Variants in AGMO observed in about 807,000 individuals in gnomAD.
AGMO encodes the protein alkylglycerol monooxygenase.
A neutral mutation model predicts 60.2 loss-of-function variants in AGMO; 75 were observed. The ratio of observed to expected loss-of-function variants is 1.25; its 90% CI spans 1.03 to 1.51. AGMO has a LOEUF of 1.51. AGMO is among the 40% of genes most tolerant of loss of function. The pLI is 0.00. For missense variants in AGMO, 763 were observed against 525.5 expected (o/e 1.45, Z -4.42); for synonymous variants, 261 against 177.1 (o/e 1.47, Z -3.76).
At chr7:15,145,040 G>C in the AGMO span, among the ~76,000 whole-genome samples, 167 of 152,274 alleles carry the variant, frequency 1.1e-3, no homozygotes, top group African/African-American at 3.7e-3. Context: ...GTGTTAGCCA[G>C]GATGGGCTCG....
the AGMO span, among the ~76,000 whole-genome samples, chr7:15,160,602 C>G: frequency 1.4e-4 from 21 of 151,962 alleles, no homozygotes; most frequent in South Asian, 4.4e-3. Flanking sequence ...TTTAATATAT[C>G]TGAAAATTAA....
chr7:15,375,632 A>G (rs1783421174), intron 10 of AGMO, among the ~76,000 whole-genome samples: 1 of 152,022 alleles, frequency 6.6e-6, no homozygotes, highest in South Asian at 2.1e-4. Flanking sequence ...CCTGACCTCA[A>G]GTGATCCACC....
At chr7:15,130,194 T>C in the AGMO span, among the ~76,000 whole-genome samples, 1 of 152,120 alleles carries the variant, frequency 6.6e-6, no homozygotes, top group Non-Finnish European at 1.5e-5. Flanking sequence ...TTTAGAGTAA[T>C]GATTTTCAAA....
downstream of AGMO, among the ~76,000 whole-genome samples, chr7:15,198,236 A>AGAGAGAGAGG (rs1781178187): frequency 6.9e-5 from 8 of 115,772 alleles, no homozygotes; most frequent in Non-Finnish European, 1.4e-4. Context: ...AGAGAGAGAG[A>AGAGAGAGAGG]GAGAGAGAGA....
intron 12 of AGMO, among the ~76,000 whole-genome samples, chr7:15,322,205 T>A (rs933021388): frequency 1.3e-5 from 2 of 150,236 alleles, no homozygotes; most frequent in African/African-American, 4.9e-5. Flanking sequence ...ATAATTTACA[T>A]CCTTGTTAAA....
intron 3 of AGMO, among the ~76,000 whole-genome samples, chr7:15,460,631 T>C (rs886899369): frequency 6.6e-6 from 1 of 152,094 alleles, no homozygotes; most frequent in Non-Finnish European, 1.5e-5. Context: ...AAATTAAATA[T>C]TGACCTAGGT....
At chr7:15,551,452 T>C (rs1784957988) in intron 2 of AGMO, among the ~76,000 whole-genome samples, 1 of 149,576 alleles carries the variant, frequency 6.7e-6, no homozygotes, top group Non-Finnish European at 1.5e-5. Context: ...CTTAAGCTGA[T>C]AAGCAACTTC....
downstream of AGMO, among the ~76,000 whole-genome samples, chr7:15,198,887 G>T (rs1256414342): frequency 6.6e-6 from 1 of 152,150 alleles, no homozygotes; most frequent in African/African-American, 2.4e-5. Context: ...GGAGCAACTG[G>T]GGAGAGTTCG....
chr7:15,328,903 T>A (rs150076895), intron 12 of AGMO, among the ~76,000 whole-genome samples: 1 of 152,216 alleles, frequency 6.6e-6, no homozygotes, highest in African/African-American at 2.4e-5. Context: ...AACACACTCA[T>A]CTTTCCATAC....
At chr7:15,320,222 T>G (rs574051483) in intron 12 of AGMO, among the ~76,000 whole-genome samples, 7 of 152,086 alleles carry the variant, frequency 4.6e-5, no homozygotes, top group Non-Finnish European at 8.8e-5. Flanking sequence ...GTAACAAACC[T>G]GCACGTTTTA....
In AGMO at chr7:15,361,546, A is replaced by AAAAAAAAAAAAG. The variant is rs60239009; in HGVS notation, c.1263+3967_1263+3968insCTTTTTTTTTTT. On this transcript the variant is annotated intron_variant, in intron 12 of 12. Coordinates refer to ENST00000342526, the MANE Select transcript of AGMO (RefSeq NM_001004320.2). ...CAGAGCGAGACTGTGTCTCAAAAAA[A>AAAAAAAAAAAAG]AAAAAAAAGGTTTTGAGATTTAGAT... Among the ~76,000 whole-genome samples, 20 of 91,388 alleles carry AAAAAAAAAAAAG rather than the reference A, an allele frequency of 2.2e-4. 3 individuals are homozygous for AAAAAAAAAAAAG. The highest frequency in any genetic ancestry group is 4.7e-4 in the African/African-American group (11 of 23,296). 60.0% of individuals were successfully genotyped at this position (91,388 alleles called of 152,430 possible).
At chr7:15,332,483 G>A (rs1425793586) in intron 12 of AGMO, among the ~76,000 whole-genome samples, 1 of 152,092 alleles carries the variant, frequency 6.6e-6, no homozygotes, top group African/African-American at 2.4e-5. Flanking sequence ...CTGTTCTAAT[G>A]TACTCATTAT....
intron 4 of AGMO, among the ~76,000 whole-genome samples, chr7:15,424,610 C>T (rs142220315): frequency 0.015 from 2,219 of 152,192 alleles, 42 homozygotes; most frequent in African/African-American, 0.046. Context: ...ATTTTCCTGA[C>T]GCATGCTAGC....
the AGMO span, among the ~76,000 whole-genome samples, chr7:15,128,742 C>G: frequency 2.0e-5 from 3 of 151,966 alleles, no homozygotes; most frequent in African/African-American, 4.8e-5. Flanking sequence ...ACCTTAAAAC[C>G]AAGTGTAATC....
At chr7:15,508,584 A>G (rs114030604) in intron 3 of AGMO, among the ~76,000 whole-genome samples, 2,308 of 152,236 alleles carry the variant, frequency 0.015, 59 homozygotes, top group African/African-American at 0.052. Flanking sequence ...GACAACACCA[A>G]TTGAATTCAA....
chr7:15,329,499 T>C (rs1322344459), intron 12 of AGMO, among the ~76,000 whole-genome samples: 1 of 152,144 alleles, frequency 6.6e-6, no homozygotes, highest in African/African-American at 2.4e-5. Flanking sequence ...AATACGTCCT[T>C]AGTGGGAAAA....
intron 12 of AGMO, among the ~76,000 whole-genome samples, chr7:15,214,985 C>A (rs948452004): frequency 6.6e-6 from 1 of 152,000 alleles, no homozygotes; most frequent in East Asian, 1.9e-4. Context: ...AGAGCCTATG[C>A]CAACAGAAAT....
chr7:15,153,946 T>C, the AGMO span, among the ~76,000 whole-genome samples: 2 of 152,118 alleles, frequency 1.3e-5, no homozygotes, highest in African/African-American at 4.8e-5. Context: ...ATACAGTCAT[T>C]TTCACAATAT....
the AGMO span, among the ~76,000 whole-genome samples, chr7:15,130,006 G>A: frequency 6.6e-6 from 1 of 151,912 alleles, no homozygotes; most frequent in South Asian, 2.1e-4. Flanking sequence ...AAGAGTTGGG[G>A]GTCTAGGACA....
Sources: allele counts gnomAD v4.1 joint callset (sites outside exome capture counted in the v4.1 genomes callset), GRCh38; gene constraint gnomAD v4.1.1; transcripts MANE v1.5; gene names NCBI Gene and HGNC (gene_info 2026-07-23, HGNC 2026-07-21).